Variants in FMO3 observed in about 807,000 individuals in gnomAD.
FMO3 encodes the protein flavin-containing monooxygenase 3.
FMO3 carries 40 observed loss-of-function variants against 39.4 expected under a neutral mutation model. The observed-to-expected ratio is 1.02, with a 90% CI of 0.79 to 1.32. The LOEUF (loss-of-function observed/expected upper bound fraction) is 1.32, where lower values mean the gene tolerates loss of function less well. Among genes scored for constraint, FMO3 ranks in the 40% most tolerant of loss-of-function variants. FMO3 has a pLI of 0.00. For synonymous variants in FMO3, 219 were observed against 228.8 expected (o/e 0.96, Z 0.39); for missense variants, 680 against 651.8 (o/e 1.04, Z -0.47).
intron 5 of FMO3, among the ~76,000 whole-genome samples, chr1:171,110,036 A>C (rs770685110): frequency 3.9e-5 from 6 of 152,218 alleles, no homozygotes; most frequent in Non-Finnish European, 7.3e-5. Flanking sequence ...TAGCCATGTG[A>C]CATAGTTTAT....
chr1:171,093,392 T>C (rs1158402438), intron 2 of FMO3, among the ~76,000 whole-genome samples: 3 of 152,090 alleles, frequency 2.0e-5, no homozygotes, highest in Non-Finnish European at 2.9e-5. Context: ...CACTTTCTGT[T>C]TCTGAGTTAT....
intron 2 of FMO3, among the ~76,000 whole-genome samples, chr1:171,098,589 T>C (rs1162951239): frequency 1.3e-5 from 2 of 152,144 alleles, no homozygotes; most frequent in Admixed American, 6.5e-5. Context: ...TGGCTCTTTG[T>C]TTGTCTGTTA....
chr1:171,117,618 A>G lies in FMO3; in HGVS notation c.*176A>G. On this transcript the variant is annotated 3_prime_UTR_variant, in exon 9 of 9. Coordinates refer to ENST00000367755, the MANE Select transcript of FMO3 (RefSeq NM_001002294.3). ...TCTAGGCTCTGAAATAGCCACTTTA[A>G]GAATCATGTCATGATCTTAAGAGAG... 1.7e-6 allele frequency: 1 copy of G among 578,152 alleles called. No homozygotes were observed. The allele number at this position is 578,152 out of a possible 1,614,324, so 35.8% of individuals were successfully genotyped here.
intron 5 of FMO3, among the ~76,000 whole-genome samples, chr1:171,110,179 G>A (rs568208488): frequency 1.5e-4 from 23 of 152,300 alleles, no homozygotes; most frequent in African/African-American, 5.5e-4. Flanking sequence ...GAGAGCCAGC[G>A]TTTGAGCGTA....
intron 2 of FMO3, among the ~76,000 whole-genome samples, chr1:171,099,415 G>A (rs556406840): frequency 6.6e-6 from 1 of 152,130 alleles, no homozygotes; most frequent in East Asian, 1.9e-4. Context: ...GTGTTGACAG[G>A]GCTTCAGATT....
chr1:171,093,785 C>T (rs1387788400), intron 2 of FMO3, among the ~76,000 whole-genome samples: 1 of 149,632 alleles, frequency 6.7e-6, no homozygotes, highest in African/African-American at 2.5e-5. Flanking sequence ...AGTTTATATT[C>T]CAACCAACAG....
intron 1 of FMO3, among the ~76,000 whole-genome samples, chr1:171,091,365 G>T: frequency 6.6e-6 from 1 of 152,034 alleles, no homozygotes; most frequent in Non-Finnish European, 1.5e-5. Flanking sequence ...CAGTTTGTTT[G>T]TTTCTGGGAA....
chr1:171,096,061 ATATTATATATT>A lies in FMO3; in HGVS notation c.132+3272_132+3282del, dbSNP rs1292760864. Among the ~76,000 whole-genome samples the A allele has an allele frequency of 5.6e-5, 3 of 53,430 alleles. 1 individual carries two copies. The highest frequency in any genetic ancestry group is 8.0e-5 in the Non-Finnish European group (3 of 37,620). 35.1% of individuals were successfully genotyped at this position (53,430 alleles called of 152,430 possible). Reference sequence around the variant, plus strand: ...TATATTATATATAAATATATAATATATATTATATATTAATATATAATATATATTAATATTTT... The same window carrying A: ...TATATTATATATAAATATATAATATAAATATATAATATATATTAATATTTT... On this transcript the variant is annotated intron_variant, in intron 2 of 8. Coordinates refer to ENST00000367755, the MANE Select transcript of FMO3 (RefSeq NM_001002294.3).
At chr1:171,104,861 G>A (rs112505692) in intron 3 of FMO3, among the ~76,000 whole-genome samples, 21,867 of 151,980 alleles carry the variant, frequency 0.14, 1,985 homozygotes, top group Non-Finnish European at 0.2. Flanking sequence ...GCGACAGAGT[G>A]AGACCCTATC....
Position 171,114,360 on chromosome 1 carries a change from AG to A in FMO3, c.1183+1del, listed in dbSNP as rs754992629. ...TCCCGCTGGGCAGCACAAGTAATAA[AG>A]GGTAAGTCAATAAAGAGGCTCATGG... ...LQSRWAAQVIKGTCTLPSMED... is the reference protein window; with the variant it reads ...LQSRWAAQVIXGTCTLPSMED... On this transcript the variant is annotated frameshift_variant and splice_region_variant, in exon 7 of 9. Coordinates refer to ENST00000367755, the MANE Select transcript of FMO3 (RefSeq NM_001002294.3). LOFTEE classifies it high-confidence loss of function. 1.6e-5 allele frequency: 25 copies of A among 1,608,516 alleles called. No individual in the cohort carries two copies. The Middle Eastern group carries it at 6.6e-4, about 42-fold the overall frequency.
chr1:171,113,409 A>G (rs532198548), intron 6 of FMO3, among the ~76,000 whole-genome samples: 2 of 152,244 alleles, frequency 1.3e-5, no homozygotes, highest in East Asian at 3.9e-4. Flanking sequence ...GCCCAGCTGC[A>G]GCTCTCACAC....
At position 171,107,864 on chromosome 1, in the gene FMO3, CACATAACTG is replaced by C. The variant is rs1202715765; in HGVS notation, c.484+31_484+39del. 3.7e-6 allele frequency: 6 copies of C among 1,605,538 alleles called. No homozygotes were observed. In the East Asian group the frequency reaches 1.3e-4, roughly 36 times the overall value. On this transcript the variant is annotated intron_variant, in intron 4 of 8. Transcript: ENST00000367755. ...TAAGGCCAAAATTTAAGCTGCTAGC[CACATAACTG>C]ACAAAAATGAATATCTTGATAATGT...
Position 171,108,904 on chromosome 1 carries a change from A to G in FMO3, c.627+683A>G, listed in dbSNP as rs1057415517. On this transcript the variant is annotated intron_variant, in intron 5 of 8. Transcript: ENST00000367755. ...GTAGAATAGAACCAGTCCTTGAACA[A>G]TAAATATAAATCATGAGACTGAAGA... Among the ~76,000 whole-genome samples the G allele has an allele frequency of 2.6e-4, 39 of 152,198 alleles. 1 individual carries two copies. The highest frequency in any genetic ancestry group is 2.2e-3 in the Admixed American group (33 of 15,268).
rs558630762 is a variant in FMO3, at chr1:171,091,443, GA to G, written c.-7+472del. Among the ~76,000 whole-genome samples, 103 of 145,878 alleles carry G rather than the reference GA, an allele frequency of 7.1e-4. 1 individual carries two copies. Among genetic ancestry groups the G allele is most frequent in the Admixed American group, 1.9e-3 (28 of 14,682 alleles). ...ATAGCTATGTGATTTTGTCTAAAAA[GA>G]AAAAAAAAAGTAGTGAAAGAAGTAG... is the stretch of plus-strand genomic sequence containing the variant. On this transcript the variant is annotated intron_variant, in intron 1 of 8. Transcript: ENST00000367755.
intron 2 of FMO3, among the ~76,000 whole-genome samples, chr1:171,096,071 TTA>T (rs1655006640): frequency 3.7e-5 from 2 of 53,674 alleles, no homozygotes; most frequent in Non-Finnish European, 5.9e-5. Flanking sequence ...ATATTATATA[TTA>T]ATATATAATA....
chr1:171,109,911 G>T (rs1322117652), intron 5 of FMO3, among the ~76,000 whole-genome samples: 3 of 151,912 alleles, frequency 2.0e-5, no homozygotes, highest in African/African-American at 7.3e-5. Flanking sequence ...TATAAAAATT[G>T]GTTTTAAAAA....
chr1:171,104,437 A>T (rs66963071), intron 3 of FMO3, among the ~76,000 whole-genome samples: 2 of 152,050 alleles, frequency 1.3e-5, no homozygotes, highest in Admixed American at 6.6e-5. Context: ...TTTAAAAATA[A>T]GGTAAGAAAG....
rs753360820 is a variant in FMO3, at chr1:171,108,206, C to A, written c.612C>A (p.Ser204Arg). ...NSGCDIATEL[S>R]RTAEQVMISS... ...GCTGTGATATTGCCACAGAACTCAG[C>A]CGCACAGCAGAACAGGTACTACTCC... The change falls in exon 5 of 9, where the codon AGC (serine) becomes AGA (arginine). Residue 204 changes from serine to arginine, a missense_variant. Coordinates refer to ENST00000367755, the MANE Select transcript of FMO3 (RefSeq NM_001002294.3). The A allele has an allele frequency of 8.6e-5, 138 of 1,613,666 alleles. 1 individual carries two copies. Among genetic ancestry groups the A allele is most frequent in the Non-Finnish European group, 7.6e-6 (9 of 1,179,862 alleles).
chr1:171,104,839 A>C (rs1356441616), intron 3 of FMO3, among the ~76,000 whole-genome samples: 4 of 152,158 alleles, frequency 2.6e-5, no homozygotes. Flanking sequence ...ACGCCACTGC[A>C]CTCCAGCCTG....
Sources: gnomAD v4.1 joint callset for allele counts (sites outside exome capture counted in the v4.1 genomes callset) on GRCh38, gnomAD v4.1.1 for gene constraint, MANE v1.5 for transcripts, NCBI Gene and HGNC (gene_info 2026-07-23, HGNC 2026-07-21) for gene names.